Variants in TAFA2 observed in about 807,000 individuals in gnomAD.
The protein encoded by TAFA2 is TAFA chemokine like family member 2.
TAFA2 carries 7 observed loss-of-function variants against 18.8 expected under a neutral mutation model. That is an observed-to-expected ratio of 0.37 (90% CI 0.21 to 0.70). TAFA2 has a LOEUF of 0.70. Among genes scored for constraint, TAFA2 ranks in the 30% least tolerant of loss-of-function variants. The pLI is 0.53. For missense variants in TAFA2, 122 were observed against 158.1 expected (o/e 0.77, Z 1.23); for synonymous variants, 60 against 54.2 (o/e 1.11, Z -0.47).
chr12:61,735,619 C>T (rs1053861141), intron 4 of TAFA2, among the ~76,000 whole-genome samples: 3 of 151,834 alleles, frequency 2.0e-5, no homozygotes, highest in African/African-American at 7.2e-5. Context: ...ATTTATTCCA[C>T]CTGTTCTAGA....
chr12:61,864,067 C>G (rs1223348518), intron 2 of TAFA2, among the ~76,000 whole-genome samples: 1 of 152,150 alleles, frequency 6.6e-6, no homozygotes, highest in East Asian at 1.9e-4. Flanking sequence ...AGCACTCTTT[C>G]AATAAATCAC....
At chr12:62,147,335 T>C (rs2062291643) in intron 1 of TAFA2, among the ~76,000 whole-genome samples, 1 of 61,678 alleles carries the variant, frequency 1.6e-5, no homozygotes, top group African/African-American at 6.4e-5. Flanking sequence ...TGTATATATA[T>C]ATATATATAT....
At chr12:62,246,819 T>C (rs1332712936) in intron 1 of TAFA2, among the ~76,000 whole-genome samples, 1 of 152,160 alleles carries the variant, frequency 6.6e-6, no homozygotes, top group African/African-American at 2.4e-5. Flanking sequence ...AAAACCAGTA[T>C]TCTTTCATCT....
intron 1 of TAFA2, among the ~76,000 whole-genome samples, chr12:61,876,999 C>A (rs1874877830): frequency 6.6e-6 from 1 of 152,142 alleles, no homozygotes; most frequent in Non-Finnish European, 1.5e-5. Flanking sequence ...TACATTACTT[C>A]ATATACTTTA....
chr12:61,903,385 C>T (rs755843989), intron 1 of TAFA2, among the ~76,000 whole-genome samples: 32 of 152,172 alleles, frequency 2.1e-4, no homozygotes, highest in Non-Finnish European at 4.4e-4. Flanking sequence ...TTTAGAGAGG[C>T]TTTCCAATTA....
In TAFA2 at chr12:62,246,098, C is replaced by T. The variant is rs187661579; in HGVS notation, c.-130+12665G>A. 5.2e-3 allele frequency among the ~76,000 whole-genome samples: 789 copies of T among 151,938 alleles called. 2 individuals carry two copies. Among genetic ancestry groups the T allele is most frequent in the Admixed American group, 8.1e-3 (124 of 15,258 alleles). The stretch of plus-strand genomic sequence containing the variant: ...GCCTCCCAGGTTCACACCATTCTCC[C>T]GCCTCAGGCTCCCAAGTAGCTGGGA... On this transcript the variant is annotated intron_variant, in intron 1 of 5. Transcript: ENST00000551619.
chr12:62,006,342 T>G (rs1470424194), intron 1 of TAFA2, among the ~76,000 whole-genome samples: 1 of 152,100 alleles, frequency 6.6e-6, no homozygotes, highest in Non-Finnish European at 1.5e-5. Flanking sequence ...AAGAGGAAAA[T>G]GGTCATACTT....
At chr12:62,089,955 T>C (rs1868639256) in intron 1 of TAFA2, among the ~76,000 whole-genome samples, 1 of 152,108 alleles carries the variant, frequency 6.6e-6, no homozygotes. Context: ...TATTGTATCC[T>C]GGACTCTAAA....
In TAFA2 at chr12:61,924,772, C is replaced by T. The variant is rs138521634; in HGVS notation, c.-1-57346G>A. Among the ~76,000 whole-genome samples, 485 of 152,236 alleles carry T rather than the reference C, an allele frequency of 3.2e-3. 1 individual carries two copies. The highest frequency in any genetic ancestry group is 0.011 in the African/African-American group (454 of 41,532). On this transcript the variant is annotated intron_variant, in intron 1 of 4. Transcript: ENST00000416284. ...CTCAAAAGTAAATGGGCTAAATGCC[C>T]TAGTTAAAAGACACAGACTGGCAAA... is the stretch of plus-strand genomic sequence containing the variant.
At chr12:61,767,025 C>A (rs541949769) in intron 2 of TAFA2, among the ~76,000 whole-genome samples, 1 of 152,210 alleles carries the variant, frequency 6.6e-6, no homozygotes, top group Non-Finnish European at 1.5e-5. Context: ...CACAATTTAT[C>A]ATCTGTGGGA....
intron 1 of TAFA2, among the ~76,000 whole-genome samples, chr12:62,123,940 G>C (rs934406938): frequency 1.3e-5 from 2 of 152,062 alleles, no homozygotes; most frequent in African/African-American, 2.4e-5. Flanking sequence ...GGAGGTTACA[G>C]AACTTATTCA....
intron 1 of TAFA2, among the ~76,000 whole-genome samples, chr12:61,966,960 T>G (rs1468252869): frequency 6.6e-6 from 1 of 151,866 alleles, no homozygotes; most frequent in Non-Finnish European, 1.5e-5. Context: ...GTATATGCTA[T>G]TATGTTAAGT....
At chr12:61,772,630 T>G (rs1870084456) in intron 2 of TAFA2, among the ~76,000 whole-genome samples, 1 of 151,898 alleles carries the variant, frequency 6.6e-6, no homozygotes, top group South Asian at 2.1e-4. Context: ...TCGCAATAGA[T>G]TCAGAAAAAG....
intron 1 of TAFA2, among the ~76,000 whole-genome samples, chr12:62,083,772 G>A (rs1868359953): frequency 6.6e-6 from 1 of 152,048 alleles, no homozygotes; most frequent in South Asian, 2.1e-4. Flanking sequence ...ACCAGTGTAG[G>A]AGTATCTTTA....
chr12:62,021,826 T>C (rs1465445075), intron 1 of TAFA2: 1 of 828,894 alleles, frequency 1.2e-6, no homozygotes, highest in Non-Finnish European at 2.1e-6. Flanking sequence ...CCGCTGTGGA[T>C]CATCAGGCCA....
intron 1 of TAFA2, among the ~76,000 whole-genome samples, chr12:61,946,393 G>A (rs1343498349): frequency 3.9e-5 from 5 of 126,938 alleles, no homozygotes; most frequent in East Asian, 5.3e-4. Context: ...GGACATAGGC[G>A]TGGGCAAGGA....
intron 1 of TAFA2, among the ~76,000 whole-genome samples, chr12:61,892,774 G>GGTT (rs537860078): frequency 1.0e-3 from 158 of 152,304 alleles, no homozygotes; most frequent in Middle Eastern, 0.01. Flanking sequence ...AGGCAGCAGA[G>GGTT]GTTGCAGTGA....
chr12:61,794,890 A>T (rs1031931324), intron 2 of TAFA2, among the ~76,000 whole-genome samples: 1 of 152,112 alleles, frequency 6.6e-6, no homozygotes, highest in Non-Finnish European at 1.5e-5. Flanking sequence ...CAAGAAAAAA[A>T]CAAACAACCC....
chr12:62,051,457 T>C (rs1882052645), intron 1 of TAFA2, among the ~76,000 whole-genome samples: 1 of 152,098 alleles, frequency 6.6e-6, no homozygotes, highest in African/African-American at 2.4e-5. Context: ...CAAGGTCAGG[T>C]ATGGAAAACA....
Sources: allele counts gnomAD v4.1 joint callset (sites outside exome capture counted in the v4.1 genomes callset), GRCh38; gene constraint gnomAD v4.1.1; transcripts MANE v1.5; gene names NCBI Gene and HGNC (gene_info 2026-07-23, HGNC 2026-07-21).